NSMCE2: variants seen among roughly 807,000 people sequenced by gnomAD.
NSMCE2 encodes the protein E3 SUMO-protein ligase NSE2.
A neutral mutation model predicts 23.8 loss-of-function variants in NSMCE2; 24 were observed. The observed-to-expected ratio is 1.01, with a 90% CI of 0.73 to 1.42. NSMCE2 has a LOEUF of 1.42. Among genes scored for constraint, NSMCE2 ranks in the 40% most tolerant of loss-of-function variants. The probability of loss-of-function intolerance (pLI) is 0.00; values close to 1 mark genes in which losing one functional copy is unlikely to be tolerated. For missense variants in NSMCE2, 284 were observed against 296.5 expected (o/e 0.96, Z 0.31); for synonymous variants, 92 against 94.1 (o/e 0.98, Z 0.13).
At chr8:125,357,086 C>T (rs1281021237) in intron 5 of NSMCE2, 133 bp from the exon 6 acceptor site, 1 of 624,936 alleles carries the variant, frequency 1.6e-6, no homozygotes, top group African/African-American at 1.8e-5. Flanking sequence ...AGAAGAGTTT[C>T]TATGCATCCA....
intron 5 of NSMCE2, among the ~76,000 whole-genome samples, chr8:125,249,054 C>T (rs530344255): frequency 6.6e-6 from 1 of 152,080 alleles, no homozygotes; most frequent in East Asian, 1.9e-4. Flanking sequence ...GCCTTTAATC[C>T]CAGCTACTAG....
chr8:125,336,866 A>G (rs1447396692), intron 5 of NSMCE2, among the ~76,000 whole-genome samples: 1 of 152,164 alleles, frequency 6.6e-6, no homozygotes, highest in Non-Finnish European at 1.5e-5. Context: ...ACATTTTTAA[A>G]CTGATCAGTC....
chr8:125,129,290 AT>A (rs1251521921), intron 3 of NSMCE2, among the ~76,000 whole-genome samples: 2 of 152,096 alleles, frequency 1.3e-5, no homozygotes, highest in Admixed American at 6.6e-5. Context: ...GAGGAATTTG[AT>A]TTTAAGGAGG....
At chr8:125,103,133 C>T (rs1586427220) in intron 3 of NSMCE2, among the ~76,000 whole-genome samples, 4 of 151,864 alleles carry the variant, frequency 2.6e-5, no homozygotes, top group South Asian at 2.1e-4. Flanking sequence ...GGTGAAACCC[C>T]GTCTCTACTA....
intron 5 of NSMCE2, among the ~76,000 whole-genome samples, chr8:125,265,425 T>C (rs1430428758): frequency 2.0e-5 from 3 of 152,104 alleles, no homozygotes; most frequent in East Asian, 3.9e-4. Context: ...TTCTCCGTGT[T>C]GGTCAGGCTG....
At chr8:125,344,365 A>G (rs1363631975) in intron 5 of NSMCE2, among the ~76,000 whole-genome samples, 1 of 152,196 alleles carries the variant, frequency 6.6e-6, no homozygotes, top group Admixed American at 6.5e-5. Flanking sequence ...TAGTGCAAAT[A>G]TGCAGTAGTT....
intron 4 of NSMCE2, among the ~76,000 whole-genome samples, chr8:125,169,717 A>G (rs1442006565): frequency 7.0e-6 from 1 of 142,710 alleles, no homozygotes; most frequent in Non-Finnish European, 1.5e-5. Context: ...AGATCTTTCT[A>G]AAGTGAACAT....
At chr8:125,231,587 T>C (rs1014118080) in intron 5 of NSMCE2, among the ~76,000 whole-genome samples, 1 of 152,214 alleles carries the variant, frequency 6.6e-6, no homozygotes, top group Non-Finnish European at 1.5e-5. Context: ...CAACCCACAG[T>C]ATTTTACTTA....
intron 5 of NSMCE2, among the ~76,000 whole-genome samples, chr8:125,281,210 T>C (rs1450958454): frequency 6.6e-6 from 1 of 152,240 alleles, no homozygotes; most frequent in Non-Finnish European, 1.5e-5. Context: ...AACAACAGCA[T>C]GGGTTATTCA....
intron 5 of NSMCE2, among the ~76,000 whole-genome samples, chr8:125,278,668 C>T (rs1827569106): frequency 6.6e-6 from 1 of 152,002 alleles, no homozygotes; most frequent in Non-Finnish European, 1.5e-5. Context: ...TATGCTTTTG[C>T]TTTGGTCAAG....
chr8:125,208,130 A>ATG (rs144227812), intron 5 of NSMCE2, among the ~76,000 whole-genome samples: 2 of 152,196 alleles, frequency 1.3e-5, no homozygotes, highest in East Asian at 1.9e-4. Flanking sequence ...CATTGACTGT[A>ATG]TGTGTGTGTG....
intron 5 of NSMCE2, among the ~76,000 whole-genome samples, chr8:125,186,325 T>A (rs1823100604): frequency 6.6e-6 from 1 of 152,226 alleles, no homozygotes; most frequent in Admixed American, 6.5e-5. Flanking sequence ...GTATTTATTA[T>A]CTGACTTTTT....
chr8:125,191,696 C>T (rs953238222), intron 5 of NSMCE2, among the ~76,000 whole-genome samples: 10 of 152,120 alleles, frequency 6.6e-5, no homozygotes, highest in African/African-American at 2.4e-4. Context: ...TGTGTTATGG[C>T]AGAGAGGAGG....
chr8:125,276,451 G>A (rs1331076204), intron 5 of NSMCE2, among the ~76,000 whole-genome samples: 1 of 151,458 alleles, frequency 6.6e-6, no homozygotes, highest in Non-Finnish European at 1.5e-5. Flanking sequence ...GATACCTTTT[G>A]CTTTGCTTTT....
chr8:125,180,134 T>C (rs1484466943), intron 4 of NSMCE2, among the ~76,000 whole-genome samples: 1 of 152,230 alleles, frequency 6.6e-6, no homozygotes, highest in East Asian at 1.9e-4. Flanking sequence ...TGCATTTTGT[T>C]CTATTATGTA....
intron 5 of NSMCE2, among the ~76,000 whole-genome samples, chr8:125,199,502 C>G (rs1432954943): frequency 5.9e-5 from 9 of 152,192 alleles, no homozygotes; most frequent in Non-Finnish European, 1.0e-4. Flanking sequence ...AAATGAGTTT[C>G]TTAATCCTGA....
intron 5 of NSMCE2, among the ~76,000 whole-genome samples, chr8:125,240,212 C>G (rs916460993): frequency 1.5e-4 from 22 of 151,718 alleles, no homozygotes; most frequent in Admixed American, 9.2e-4. Context: ...TCAACCTCCT[C>G]CTCCCGGGTT....
chr8:125,254,181 A>G (rs531778960), intron 5 of NSMCE2, among the ~76,000 whole-genome samples: 62 of 152,304 alleles, frequency 4.1e-4, no homozygotes, highest in African/African-American at 1.4e-3. Flanking sequence ...TTCAAACTCT[A>G]ATATCTCTAT....
intron 5 of NSMCE2, among the ~76,000 whole-genome samples, chr8:125,330,320 C>T (rs534567154): frequency 2.0e-4 from 30 of 151,834 alleles, no homozygotes; most frequent in African/African-American, 6.5e-4. Flanking sequence ...GAATTACAAG[C>T]GTGTGCCACC....
Sources: gnomAD v4.1 joint callset for allele counts (sites outside exome capture counted in the v4.1 genomes callset) on GRCh38, gnomAD v4.1.1 for gene constraint, MANE v1.5 for transcripts, NCBI Gene and HGNC (gene_info 2026-07-23, HGNC 2026-07-21) for gene names.